Variants in SHANK2 observed in about 807,000 individuals in gnomAD.
SHANK2 encodes the protein SH3 and multiple ankyrin repeat domains protein 2.
Under a neutral mutation model 133.7 loss-of-function variants are expected in SHANK2, and 43 were observed. The observed-to-expected ratio is 0.32, with a 90% CI of 0.25 to 0.41. The LOEUF (loss-of-function observed/expected upper bound fraction) is 0.41. Ranked by LOEUF, SHANK2 falls within the 10% of genes least tolerant of loss-of-function variation. The probability of loss-of-function intolerance (pLI) is 1.00; values close to 1 mark genes in which losing one functional copy is unlikely to be tolerated. For missense variants in SHANK2, 1,994 were observed against 2,235.8 expected (o/e 0.89, Z 2.18); for synonymous variants, 1,017 against 952.8 (o/e 1.07, Z -1.24).
At position 70,673,904 on chromosome 11, in the gene SHANK2, C is replaced by T. The variant is rs151180739; in HGVS notation, c.1854-12226G>A. On this transcript the variant is annotated intron_variant, in intron 15 of 25. Transcript: ENST00000601538. ...TGTAAAAACAGTTAAAAGTAGGAGGCTCATATAATTTGGCTATCTGTCCCC... is the reference window on the plus strand; with the variant it reads ...TGTAAAAACAGTTAAAAGTAGGAGGTTCATATAATTTGGCTATCTGTCCCC... 1.9e-3 allele frequency among the ~76,000 whole-genome samples: 284 copies of T among 152,334 alleles called. 2 individuals are homozygous for T. Among genetic ancestry groups the T allele is most frequent in the African/African-American group, 6.4e-3 (264 of 41,572 alleles).
chr11:70,489,459 A>C, intron 23 of SHANK2, 111 bp from the exon 24 acceptor site: 1 of 976,510 alleles, frequency 1.0e-6, no homozygotes, highest in Non-Finnish European at 1.7e-6. Context: ...CACCACCTCC[A>C]CGGCCACTTA....
At chr11:71,167,701 G>C (rs1160739396) in intron 2 of SHANK2, among the ~76,000 whole-genome samples, 1 of 145,116 alleles carries the variant, frequency 6.9e-6, no homozygotes. Context: ...GGACGGAGCG[G>C]CTGGCCGGGC....
At chr11:70,890,967 A>G (rs1555074602) in intron 11 of SHANK2, among the ~76,000 whole-genome samples, 1 of 146,788 alleles carries the variant, frequency 6.8e-6, no homozygotes, top group African/African-American at 2.5e-5. Flanking sequence ...CTCCGCCTCA[A>G]AAAAAAAAAA....
At chr11:71,065,986 GGAGGGGAGTA>G (rs1951051500) in intron 9 of SHANK2, among the ~76,000 whole-genome samples, 14 of 38,782 alleles carry the variant, frequency 3.6e-4, no homozygotes, top group East Asian at 1.3e-3. Flanking sequence ...GGGGAAGTTG[GGAGGGGAGTA>G]CAGAACTCTC....
At chr11:70,575,692 C>T (rs189263001) in intron 17 of SHANK2, among the ~76,000 whole-genome samples, 10 of 149,614 alleles carry the variant, frequency 6.7e-5, no homozygotes, top group East Asian at 2.0e-4. Context: ...GCAAGTAAGT[C>T]GACACTCAGG....
chr11:70,740,211 G>T (rs1856301824), intron 14 of SHANK2, among the ~76,000 whole-genome samples: 2 of 152,184 alleles, frequency 1.3e-5, no homozygotes, highest in African/African-American at 4.8e-5. Context: ...GTGCTCACTG[G>T]ACACAGGAGG....
intron 2 of SHANK2, among the ~76,000 whole-genome samples, chr11:71,155,003 C>T (rs1305206373): frequency 3.9e-5 from 5 of 126,946 alleles, no homozygotes; most frequent in Non-Finnish European, 3.3e-5. Context: ...CCCCAGCCCA[C>T]GCTCCCAGAG....
rs1949667866 is a variant in SHANK2, at chr11:70,882,048, G to T, written c.1174+14453C>A. Among the ~76,000 whole-genome samples, 1 of 152,098 alleles carries T rather than the reference G, an allele frequency of 6.6e-6. No homozygotes were observed. Among genetic ancestry groups the T allele is most frequent in the Admixed American group, 6.5e-5 (1 of 15,276 alleles). On this transcript the variant is annotated intron_variant, in intron 11 of 25. Transcript: ENST00000601538. The surrounding 1 kb of genome is among the most constrained non-coding windows in gnomAD (Gnocchi z 4.2). ...ATTCACTTGCAGGAAGGGAACCCTTGCTAGAGAGGCGGAAAACATCAGTGT... is the reference window on the plus strand; with the variant it reads ...ATTCACTTGCAGGAAGGGAACCCTTTCTAGAGAGGCGGAAAACATCAGTGT...
chr11:71,183,867 A>G (rs1229561329), intron 2 of SHANK2, among the ~76,000 whole-genome samples: 1 of 152,166 alleles, frequency 6.6e-6, no homozygotes, highest in Admixed American at 6.5e-5. Context: ...TTTATTGGGG[A>G]GAGGGAAGCT....
chr11:71,096,546 C>T (rs1951616655), intron 6 of SHANK2, among the ~76,000 whole-genome samples: 1 of 152,108 alleles, frequency 6.6e-6, no homozygotes, highest in Non-Finnish European at 1.5e-5. Flanking sequence ...TTCCTTGGAG[C>T]ATAAAGGCCA....
chr11:70,901,536 T>C (rs1950023319), intron 10 of SHANK2, among the ~76,000 whole-genome samples: 1 of 152,176 alleles, frequency 6.6e-6, no homozygotes, highest in African/African-American at 2.4e-5. Context: ...AGCTCGCCTG[T>C]TTTTCCCCCA....
intron 14 of SHANK2, among the ~76,000 whole-genome samples, chr11:70,742,416 TG>T (rs1946548138): frequency 1.3e-5 from 2 of 152,330 alleles, no homozygotes; most frequent in African/African-American, 4.8e-5. Context: ...AAGTTTGGAA[TG>T]CTTTTTCAAA....
intron 11 of SHANK2, among the ~76,000 whole-genome samples, chr11:70,868,696 C>G (rs1329608158): frequency 6.6e-6 from 1 of 152,218 alleles, no homozygotes; most frequent in Non-Finnish European, 1.5e-5. Context: ...ACACAGGGAG[C>G]ACAGTCACTG....
chr11:70,651,413 C>G (rs1233521707), intron 17 of SHANK2, among the ~76,000 whole-genome samples: 1 of 152,172 alleles, frequency 6.6e-6, no homozygotes, highest in Non-Finnish European at 1.5e-5. Context: ...AGAGAACGAC[C>G]TCCCCAGGCC....
chr11:71,248,417 G>A (rs1244007165), intron 1 of SHANK2, among the ~76,000 whole-genome samples: 3 of 152,226 alleles, frequency 2.0e-5, no homozygotes, highest in Non-Finnish European at 4.4e-5. Context: ...GCTGGGCAGC[G>A]TGCATTTAAC....
chr11:71,127,293 A>G (rs1309192261), intron 3 of SHANK2, among the ~76,000 whole-genome samples: 4 of 152,214 alleles, frequency 2.6e-5, no homozygotes, highest in Non-Finnish European at 4.4e-5. Context: ...TGCTATGAAC[A>G]CTGTTGAAAT....
chr11:70,672,636 C>T lies in SHANK2; in HGVS notation c.1854-10958G>A, dbSNP rs1432886975. ...ATGGGCCTTGCCGCCTGGTGGCTGC[C>T]GTCCTCCTGTGTCCCCAGCCCTCCA... On this transcript the variant is annotated intron_variant, in intron 15 of 25. Coordinates refer to ENST00000601538, the MANE Select transcript of SHANK2 (RefSeq NM_012309.5). 3.3e-5 allele frequency among the ~76,000 whole-genome samples: 5 copies of T among 152,230 alleles called. No homozygotes were observed. The East Asian group carries it at 9.6e-4, about 29-fold the overall frequency.
At chr11:70,725,290 A>G (rs1027744202) in intron 14 of SHANK2, among the ~76,000 whole-genome samples, 3 of 152,180 alleles carry the variant, frequency 2.0e-5, no homozygotes, top group African/African-American at 2.4e-5. Context: ...CATTTAACTT[A>G]TTTGCAGCTG....
At chr11:70,813,822 G>A (rs2921328) in intron 12 of SHANK2, among the ~76,000 whole-genome samples, 3,494 of 152,240 alleles carry the variant, frequency 0.023, 133 homozygotes, top group African/African-American at 0.079. Context: ...AAGTCAGCCC[G>A]CACCCAAGCC....
Sources: gnomAD v4.1 joint callset for allele counts (sites outside exome capture counted in the v4.1 genomes callset) on GRCh38, gnomAD v4.1.1 for gene constraint, Gnocchi (gnomAD v3.1) non-coding constraint, MANE v1.5 for transcripts, NCBI Gene and HGNC (gene_info 2026-07-23, HGNC 2026-07-21) for gene names.